DDX18: variants seen among roughly 807,000 people sequenced by gnomAD.
DDX18 encodes ATP-dependent RNA helicase DDX18.
A neutral mutation model predicts 73.5 loss-of-function variants in DDX18; 23 were observed. The observed-to-expected ratio is 0.31, with a 90% CI of 0.23 to 0.44. The LOEUF (loss-of-function observed/expected upper bound fraction) is 0.44. DDX18 is among the 20% of genes least tolerant of loss of function. The pLI, the probability that DDX18 is intolerant of heterozygous loss-of-function variation, is 1.00. For synonymous variants in DDX18, 268 were observed against 282.7 expected, an observed-to-expected ratio of 0.95 and a Z score of 0.52; for missense variants, 753 against 792.9, an observed-to-expected ratio of 0.95 and a Z score of 0.60.
At chr2:117,817,172 T>G (rs2104618972) in intron 1 of DDX18, among the ~76,000 whole-genome samples, 1 of 152,338 alleles carries the variant, frequency 6.6e-6, no homozygotes, top group Non-Finnish European at 1.5e-5. Flanking sequence ...CATTGAAGTT[T>G]TCCTGTCCTA....
rs1203803914 is a variant in DDX18 at position 117,829,043 on chromosome 2, C to T, written c.1692+38C>T. On this transcript the variant is annotated intron_variant, in intron 12 of 13. Coordinates refer to ENST00000263239, the MANE Select transcript of DDX18 (RefSeq NM_006773.4). ...TAAACGTTTGTGAGTAAACAGGAAC[C>T]TTGTCCCAGCACTCTGTTTGTAGTG... is the stretch of plus-strand genomic sequence containing the variant. 4 of 1,529,166 alleles carry T rather than the reference C, an allele frequency of 2.6e-6. No homozygotes were observed. In the East Asian group the frequency reaches 6.7e-5, roughly 26 times the overall value. The allele number at this position is 1,529,166 out of a possible 1,614,324, so 94.7% of individuals were successfully genotyped here.
At position 117,826,034 on chromosome 2, in the gene DDX18, C is replaced by CTTTTTTTTTTTTTTTTT. The variant is rs59119058; in HGVS notation, c.1522-223_1522-207dup. On this transcript the variant is annotated intron_variant, in intron 10 of 13. Transcript: ENST00000263239. ...TGTTAATGCAAACATCATGTCCAGC[C>CTTTTTTTTTTTTTTTTT]TTTTTTTTTTTTTTTTTTTTTTTTT... 1.7e-4 allele frequency: 17 copies of CTTTTTTTTTTTTTTTTT among 97,290 alleles called. 4 individuals are homozygous for CTTTTTTTTTTTTTTTTT. The highest frequency in any genetic ancestry group is 1.2e-3 in the African/African-American group (14 of 12,048). 6.0% of individuals were successfully genotyped at this position (97,290 alleles called of 1,614,324 possible).
rs942175238 is a variant in DDX18, at chr2:117,825,178, C to T, written c.1368+77C>T. On this transcript the variant is annotated intron_variant, in intron 9 of 13. Coordinates refer to ENST00000263239, the MANE Select transcript of DDX18 (RefSeq NM_006773.4). ...ATAGATTGTAGGATTGGAGGTATTGCCCTCTCCTGGAAACATTGTTCTGAG... is the reference window on the plus strand; with the variant it reads ...ATAGATTGTAGGATTGGAGGTATTGTCCTCTCCTGGAAACATTGTTCTGAG... 8.0e-6 allele frequency: 12 copies of T among 1,504,068 alleles called. 1 individual carries two copies. The highest frequency in any genetic ancestry group is 2.6e-5 in the South Asian group (2 of 76,670). 93.2% of individuals were successfully genotyped at this position (1,504,068 alleles called of 1,614,324 possible). A position where few individuals can be genotyped will look rare whatever the true frequency, so the allele number is the denominator to read the frequency against.
chr2:117,821,028 CAT>C (rs1324860860), intron 3 of DDX18, 131 bp from the exon 4 acceptor site: 20 of 821,706 alleles, frequency 2.4e-5, no homozygotes, highest in Non-Finnish European at 3.3e-5. Context: ...GATATTATCA[CAT>C]ATGAATAATT....
Position 117,825,553 on chromosome 2 carries a change from C to G in DDX18, c.1475C>G (p.Pro492Arg). The G allele has an allele frequency of 6.2e-7, 1 of 1,614,138 alleles. No homozygotes were observed. The highest frequency in any genetic ancestry group is 8.5e-7 in the Non-Finnish European group (1 of 1,180,004). The change falls in exon 10 of 14, where the codon CCT (proline) becomes CGT (arginine). Residue 492 changes from proline to arginine, a missense_variant. Pro to Arg is a moderately radical substitution (Grantham distance 103). Around this residue, in one of 3 missense-constraint regions of DDX18, gnomAD observed 402 missense variants for 419.4 expected, o/e 0.96. Transcript: ENST00000263239. Reference sequence around the variant, plus strand: ...GTGGCAGCGAGAGGACTAGACATTCCTGAAGTCGACTGGATTGTTCAGTAT... The same window carrying G: ...GTGGCAGCGAGAGGACTAGACATTCGTGAAGTCGACTGGATTGTTCAGTAT... ...TDVAARGLDI[P>R]EVDWIVQYDP... is the part of the protein sequence containing the mutation.
rs982655063 is a variant in DDX18 at position 117,821,017 on chromosome 2, T to G, written c.515-144T>G. 1.9e-5 allele frequency: 14 copies of G among 738,968 alleles called. No homozygotes were observed. In the African/African-American group the frequency reaches 2.4e-4, roughly 12 times the overall value. The allele number at this position is 738,968 out of a possible 1,614,324, so 45.8% of individuals were successfully genotyped here. A position where few individuals can be genotyped will look rare whatever the true frequency, so the allele number is the denominator to read the frequency against. ...CTTGAAAGATATAGGGTCTTTTTCTTGATATTATCACATATGAATAATTAA... is the reference window on the plus strand; with the variant it reads ...CTTGAAAGATATAGGGTCTTTTTCTGGATATTATCACATATGAATAATTAA... On this transcript the variant is annotated intron_variant, in intron 3 of 13. Transcript: ENST00000263239.
At chr2:117,826,534 G>A (rs377547090) in intron 11 of DDX18, 152 bp downstream of exon 11, 10 of 709,710 alleles carry the variant, frequency 1.4e-5, no homozygotes, top group African/African-American at 8.8e-5. Context: ...TGTACTTCTA[G>A]CCCAAGAAGT....
At chr2:117,815,918 C>A (rs941251928) in intron 1 of DDX18, among the ~76,000 whole-genome samples, 9 of 152,148 alleles carry the variant, frequency 5.9e-5, no homozygotes, top group Admixed American at 4.6e-4. Flanking sequence ...CTACTACACA[C>A]CCAGGCTACA....
At chr2:117,826,693 C>A in intron 11 of DDX18, 1 of 320,260 alleles carries the variant, frequency 3.1e-6, no homozygotes, top group African/African-American at 2.1e-5. Flanking sequence ...CTAGTCATCT[C>A]TGCTTCTGCT....
At chr2:117,816,183 G>T (rs950790303) in intron 1 of DDX18, among the ~76,000 whole-genome samples, 1 of 152,210 alleles carries the variant, frequency 6.6e-6, no homozygotes, top group Non-Finnish European at 1.5e-5. Flanking sequence ...TGAAGGCCTA[G>T]AACATTACTG....
At chr2:117,823,493 G>C (rs963515558) in intron 7 of DDX18, among the ~76,000 whole-genome samples, 3 of 152,024 alleles carry the variant, frequency 2.0e-5, no homozygotes, top group African/African-American at 7.2e-5. Context: ...ACACACAGTT[G>C]AATTTTATAT....
chr2:117,826,239 G>A (rs180732582), intron 10 of DDX18, 30 bp from the exon 11 acceptor site: 491 of 1,598,066 alleles, frequency 3.1e-4, no homozygotes, highest in Non-Finnish European at 3.7e-4. Context: ...AAGTCACTGC[G>A]TTAACTCAGA....
chr2:117,819,836 G>A, intron 3 of DDX18, 44 bp downstream of exon 3: 1 of 1,518,876 alleles, frequency 6.6e-7, no homozygotes, highest in Non-Finnish European at 8.8e-7. Flanking sequence ...TTTAAAATGT[G>A]CCTCTCTTAG....
chr2:117,830,466 G>T (rs1680002988), intron 13 of DDX18, 116 bp from the exon 14 acceptor site: 1 of 1,248,594 alleles, frequency 8.0e-7, no homozygotes, highest in South Asian at 1.6e-5. Context: ...CATTTTCATT[G>T]TTGAGAATGG....
At chr2:117,815,448 T>C (rs1251935237) in intron 1 of DDX18, among the ~76,000 whole-genome samples, 1 of 152,210 alleles carries the variant, frequency 6.6e-6, no homozygotes, top group Non-Finnish European at 1.5e-5. Context: ...GTCACCTTTC[T>C]TACCTACCTC....
chr2:117,829,499 C>T, intron 13 of DDX18, 33 bp downstream of exon 13: 1 of 1,586,746 alleles, frequency 6.3e-7, no homozygotes, highest in Non-Finnish European at 8.6e-7. Flanking sequence ...TATCCTGTGA[C>T]TAAGGAACAA....
At chr2:117,819,586 G>A in intron 2 of DDX18, 63 bp from the exon 3 acceptor site, 1 of 1,351,430 alleles carries the variant, frequency 7.4e-7, no homozygotes, top group South Asian at 1.6e-5. Context: ...TCTGTTTGTT[G>A]ATCTCATTTG....
intron 2 of DDX18, among the ~76,000 whole-genome samples, chr2:117,819,328 TATA>T (rs1679807038): frequency 6.6e-6 from 1 of 152,136 alleles, no homozygotes; most frequent in African/African-American, 2.4e-5. Flanking sequence ...AATGACTACT[TATA>T]ATGAGTTTTT....
chr2:117,814,918 TTC>T, intron 1 of DDX18, 56 bp downstream of exon 1: 3 of 1,592,916 alleles, frequency 1.9e-6, no homozygotes, highest in Non-Finnish European at 2.6e-6. Flanking sequence ...CCCTGGCGCG[TTC>T]GGGCGGCCGG....
Sources: allele counts gnomAD v4.1 joint callset (sites outside exome capture counted in the v4.1 genomes callset), GRCh38; gene constraint gnomAD v4.1.1; regional missense constraint gnomAD v4.1.1; transcripts MANE v1.5; gene names NCBI Gene and HGNC (gene_info 2026-07-23, HGNC 2026-07-21).